Variants in PACSIN2 observed in about 807,000 individuals in gnomAD.
The protein encoded by PACSIN2 is protein kinase C and casein kinase substrate in neurons 2.
Under a neutral mutation model 63.8 loss-of-function variants are expected in PACSIN2, and 25 were observed. The observed-to-expected ratio is 0.39, with a 90% CI of 0.29 to 0.55. The LOEUF is 0.55. Ranked by LOEUF, PACSIN2 falls within the 20% of genes least tolerant of loss-of-function variation. The probability of loss-of-function intolerance (pLI) is 0.62; values close to 1 mark genes in which losing one functional copy is unlikely to be tolerated. For missense variants in PACSIN2, 518 were observed against 646.9 expected, an observed-to-expected ratio of 0.80 and a Z score of 2.16; for synonymous variants, 255 against 256.2, an observed-to-expected ratio of 1.00 and a Z score of 0.05.
At chr22:42,875,814 G>C (rs903513108) in intron 10 of PACSIN2, among the ~76,000 whole-genome samples, 1 of 152,154 alleles carries the variant, frequency 6.6e-6, no homozygotes, top group African/African-American at 2.4e-5. Flanking sequence ...TGGGATTACA[G>C]GCGTGAGCCA....
intron 1 of PACSIN2, among the ~76,000 whole-genome samples, chr22:42,954,358 C>G (rs1933827449): frequency 6.6e-6 from 1 of 152,166 alleles, no homozygotes; most frequent in Admixed American, 6.5e-5. Flanking sequence ...ATGGCAGCCA[C>G]CAGCTATTAA....
chr22:42,975,543 GTC>G (rs1921636637), intron 1 of PACSIN2, among the ~76,000 whole-genome samples: 2 of 148,642 alleles, frequency 1.3e-5, no homozygotes, highest in Admixed American at 1.3e-4. Context: ...TTACTTATGA[GTC>G]TCTTTTTATA....
At chr22:42,932,369 T>C (rs767495279) in intron 1 of PACSIN2, among the ~76,000 whole-genome samples, 6 of 152,228 alleles carry the variant, frequency 3.9e-5, no homozygotes, top group African/African-American at 9.6e-5. Context: ...TAACTCTTTT[T>C]ATATTTCCTC....
chr22:42,911,827 G>C (rs1461857007), intron 2 of PACSIN2, among the ~76,000 whole-genome samples, 194 bp downstream of exon 2: 1 of 152,138 alleles, frequency 6.6e-6, no homozygotes, highest in Non-Finnish European at 1.5e-5. Context: ...TTCGATGATG[G>C]CTAAGGCATA....
rs993185473 is a variant in PACSIN2, at chr22:42,871,259, C to A, written c.*98G>T. The A allele has an allele frequency of 4.7e-5, 36 of 762,670 alleles. No individual in the cohort carries two copies. Among genetic ancestry groups the A allele is most frequent in the Non-Finnish European group, 7.7e-5 (33 of 426,662 alleles). The allele number at this position is 762,670 out of a possible 1,614,324, so 47.2% of individuals were successfully genotyped here. On this transcript the variant is annotated 3_prime_UTR_variant, in exon 11 of 11. Transcript: ENST00000263246. This position sits in a 1 kb window ranked among gnomAD's most constrained non-coding sequence, Gnocchi z 5.4. Reference sequence around the variant, plus strand: ...CACCATGAAGCCAAGAGCAATGGAACCATCATCTCTTGCAGGAAAAGGAGT... The same window carrying A: ...CACCATGAAGCCAAGAGCAATGGAAACATCATCTCTTGCAGGAAAAGGAGT...
chr22:42,921,229 C>T (rs1336889137), intron 1 of PACSIN2, among the ~76,000 whole-genome samples: 1 of 151,960 alleles, frequency 6.6e-6, no homozygotes, highest in Non-Finnish European at 1.5e-5. Context: ...CGTGGTGGCA[C>T]ACGCCTGTAG....
chr22:43,011,901 C>G (rs967294347), intron 1 of PACSIN2, among the ~76,000 whole-genome samples: 1 of 148,240 alleles, frequency 6.7e-6, no homozygotes, highest in African/African-American at 2.5e-5. Context: ...AATCCCAGCA[C>G]TTTGGGAGGC....
intron 10 of PACSIN2, among the ~76,000 whole-genome samples, chr22:42,872,381 C>T (rs375483821): frequency 8.5e-5 from 13 of 152,202 alleles, no homozygotes; most frequent in East Asian, 1.9e-4. Context: ...GCTCGGACCT[C>T]GTCAGGAGCA....
At chr22:42,980,467 C>T (rs531957639) in intron 1 of PACSIN2, among the ~76,000 whole-genome samples, 11 of 143,592 alleles carry the variant, frequency 7.7e-5, no homozygotes, top group Non-Finnish European at 1.2e-4. Flanking sequence ...AACAAACAAC[C>T]CTCTCCCTCT....
intron 2 of PACSIN2, among the ~76,000 whole-genome samples, chr22:42,900,383 C>T (rs1042912921): frequency 1.3e-5 from 2 of 152,214 alleles, no homozygotes; most frequent in African/African-American, 2.4e-5. Flanking sequence ...CATACTTGGC[C>T]AGGCAGGGTA....
At chr22:42,912,460 G>A (rs771624903) in intron 1 of PACSIN2, among the ~76,000 whole-genome samples, 1 of 152,150 alleles carries the variant, frequency 6.6e-6, no homozygotes, top group Non-Finnish European at 1.5e-5. Flanking sequence ...GCTAGGACCC[G>A]GGATAAAACG....
At chr22:43,008,848 T>G (rs1318137893) in intron 1 of PACSIN2, among the ~76,000 whole-genome samples, 1 of 152,212 alleles carries the variant, frequency 6.6e-6, no homozygotes, top group African/African-American at 2.4e-5. Flanking sequence ...TTTCACAACT[T>G]TCTCAAGTGC....
intron 2 of PACSIN2, among the ~76,000 whole-genome samples, chr22:42,911,222 T>C (rs895850308): frequency 1.6e-4 from 24 of 151,878 alleles, no homozygotes; most frequent in Admixed American, 1.6e-3. Context: ...CCTCTTTCCA[T>C]GAAGGCCAAG....
chr22:42,899,406 G>A (rs1930515587), intron 2 of PACSIN2, among the ~76,000 whole-genome samples: 1 of 152,110 alleles, frequency 6.6e-6, no homozygotes, highest in African/African-American at 2.4e-5. Context: ...TCCTGCCTCG[G>A]CCTCCCGAGT....
At chr22:42,877,922 A>T (rs748039468) in intron 8 of PACSIN2, among the ~76,000 whole-genome samples, 7 of 152,332 alleles carry the variant, frequency 4.6e-5, no homozygotes, top group East Asian at 1.9e-4. Flanking sequence ...GAACCAAGGA[A>T]GGGAGGCGAG....
chr22:42,923,737 C>T (rs1932354535), intron 1 of PACSIN2, among the ~76,000 whole-genome samples: 1 of 152,136 alleles, frequency 6.6e-6, no homozygotes, highest in African/African-American at 2.4e-5. Flanking sequence ...TCAACTATTT[C>T]CTCTAAAAAT....
chr22:43,001,616 G>A (rs1923773564), intron 1 of PACSIN2, among the ~76,000 whole-genome samples: 3 of 152,238 alleles, frequency 2.0e-5, no homozygotes, highest in Admixed American at 1.3e-4. Context: ...ACACTTGTAT[G>A]CCTGTGCTGT....
intron 6 of PACSIN2, among the ~76,000 whole-genome samples, chr22:42,884,014 A>AAAAAGAAAAGAAAAGAAAAG (rs1555908353): frequency 9.2e-5 from 14 of 151,968 alleles, no homozygotes; most frequent in African/African-American, 3.1e-4. Context: ...TCAAAAAAAA[A>AAAAAGAAAAGAAAAGAAAAG]AAAAGAAAAG....
chr22:42,955,313 G>A (rs551767721), intron 1 of PACSIN2, among the ~76,000 whole-genome samples: 13 of 152,110 alleles, frequency 8.5e-5, no homozygotes, highest in Non-Finnish European at 1.3e-4. Context: ...ACAAACGAAC[G>A]AACGAACGAA....
Sources: allele counts gnomAD v4.1 joint callset (sites outside exome capture counted in the v4.1 genomes callset), GRCh38; gene constraint gnomAD v4.1.1; non-coding constraint Gnocchi (gnomAD v3.1); transcripts MANE v1.5; gene names NCBI Gene and HGNC (gene_info 2026-07-23, HGNC 2026-07-21).